USP4: variants seen among roughly 807,000 people sequenced by gnomAD.
USP4 encodes ubiquitin carboxyl-terminal hydrolase 4.
In USP4, 72 loss-of-function variants were observed where a neutral mutation model predicts 118.2. The ratio of observed to expected loss-of-function variants is 0.61; its 90% CI spans 0.50 to 0.74. USP4 has a LOEUF of 0.74. USP4 is among the 30% of genes least tolerant of loss of function. The probability of loss-of-function intolerance (pLI) is 0.00; values close to 1 mark genes in which losing one functional copy is unlikely to be tolerated. For synonymous variants in USP4, 415 were observed against 440.4 expected, an observed-to-expected ratio of 0.94 and a Z score of 0.72; for missense variants, 1,037 against 1,185.7, an observed-to-expected ratio of 0.87 and a Z score of 1.84.
chr3:49,309,038 A>AC (rs1559472764), intron 8 of USP4, among the ~76,000 whole-genome samples: 1 of 150,922 alleles, frequency 6.6e-6, no homozygotes, highest in Non-Finnish European at 1.5e-5. Context: ...TGTCTCAAAA[A>AC]AAAAAAAAAA....
intron 2 of USP4, among the ~76,000 whole-genome samples, chr3:49,331,280 A>ATT (rs1412253092): frequency 6.6e-6 from 1 of 151,646 alleles, no homozygotes; most frequent in Non-Finnish European, 1.5e-5. Flanking sequence ...AGATCGCACC[A>ATT]TTGCACTCCA....
At chr3:49,279,464 T>C (rs2046994757) in intron 20 of USP4, among the ~76,000 whole-genome samples, 1 of 152,182 alleles carries the variant, frequency 6.6e-6, no homozygotes, top group African/African-American at 2.4e-5. Flanking sequence ...AAAATTTATC[T>C]TTCTCTAAAA....
At chr3:49,289,286 C>T (rs1371257026) in intron 15 of USP4, among the ~76,000 whole-genome samples, 1 of 152,166 alleles carries the variant, frequency 6.6e-6, no homozygotes, top group Non-Finnish European at 1.5e-5. Flanking sequence ...TTTCATGTGC[C>T]CTGTCCTTTA....
intron 13 of USP4, among the ~76,000 whole-genome samples, chr3:49,295,254 A>T (rs1280247173): frequency 7.7e-6 from 1 of 130,590 alleles, no homozygotes; most frequent in East Asian, 2.7e-4. Context: ...TTGTCACTGC[A>T]CTCCAGACTG....
intron 20 of USP4, 79 bp downstream of exon 20, chr3:49,280,665 G>T: frequency 2.6e-6 from 3 of 1,168,958 alleles, no homozygotes; most frequent in Non-Finnish European, 3.8e-6. Flanking sequence ...AGCATTTAGG[G>T]CAATGCCTGG....
At chr3:49,329,928 T>C (rs1426482769) in intron 2 of USP4, among the ~76,000 whole-genome samples, 2 of 151,888 alleles carry the variant, frequency 1.3e-5, no homozygotes, top group Admixed American at 6.6e-5. Flanking sequence ...TCACTTGAGG[T>C]CAGAAGTTTG....
chr3:49,335,379 GA>G (rs1463795040), intron 2 of USP4, 89 bp downstream of exon 2: 14 of 1,564,746 alleles, frequency 8.9e-6, no homozygotes, highest in Non-Finnish European at 1.1e-5. Flanking sequence ...CTCACACTAG[GA>G]AAGTTCACAA....
At chr3:49,279,860 G>A (rs1470180171) in intron 20 of USP4, among the ~76,000 whole-genome samples, 1 of 152,216 alleles carries the variant, frequency 6.6e-6, no homozygotes, top group Non-Finnish European at 1.5e-5. Flanking sequence ...AGTTCCAACT[G>A]TAGGCCCAAT....
Position 49,315,432 on chromosome 3 carries a change from A to G in USP4, c.696-3778T>C, listed in dbSNP as rs139674457. Among the ~76,000 whole-genome samples, 18 of 152,312 alleles carry G rather than the reference A, an allele frequency of 1.2e-4. No homozygotes were observed. The East Asian group carries it at 2.5e-3, about 21-fold the overall frequency. On this transcript the variant is annotated intron_variant, in intron 6 of 21. Coordinates refer to ENST00000265560, the MANE Select transcript of USP4 (RefSeq NM_003363.4). ...TACTATAATCTGGGAAATGCTGAGCACTAGGGCAGGGACTTGTCTCCAGAC... is the reference window on the plus strand; with the variant it reads ...TACTATAATCTGGGAAATGCTGAGCGCTAGGGCAGGGACTTGTCTCCAGAC...
At chr3:49,311,711 T>G (rs1198709907) in intron 6 of USP4, 57 bp from the exon 7 acceptor site, 21 of 1,600,544 alleles carry the variant, frequency 1.3e-5, no homozygotes, top group Admixed American at 3.4e-5. Flanking sequence ...CAAGCCCTAT[T>G]TAATGCCTTA....
At chr3:49,290,010 T>C (rs2047136087) in intron 15 of USP4, among the ~76,000 whole-genome samples, 1 of 152,142 alleles carries the variant, frequency 6.6e-6, no homozygotes, top group Non-Finnish European at 1.5e-5. Flanking sequence ...TAGTCCTGGC[T>C]ACTCAGGTGG....
At chr3:49,290,002 G>C (rs1190497274) in intron 15 of USP4, among the ~76,000 whole-genome samples, 5 of 152,108 alleles carry the variant, frequency 3.3e-5, no homozygotes, top group African/African-American at 1.2e-4. Context: ...CATTCCTGTA[G>C]TCCTGGCTAC....
intron 6 of USP4, among the ~76,000 whole-genome samples, chr3:49,319,813 G>C (rs1259436884): frequency 6.6e-6 from 1 of 151,546 alleles, no homozygotes; most frequent in African/African-American, 2.4e-5. Flanking sequence ...GGGGGGTCTC[G>C]CTATGTTCAC....
chr3:49,335,740 GC>G, intron 1 of USP4, 144 bp from the exon 2 acceptor site: 1 of 869,608 alleles, frequency 1.1e-6, no homozygotes, highest in Non-Finnish European at 1.8e-6. Flanking sequence ...CAAGAGCAGG[GC>G]CCAGGCCCCA....
chr3:49,285,197 G>T (rs1161263959), intron 16 of USP4, among the ~76,000 whole-genome samples: 1 of 152,026 alleles, frequency 6.6e-6, no homozygotes, highest in Non-Finnish European at 1.5e-5. Context: ...GGGAGTAATA[G>T]GGACCAGATT....
intron 9 of USP4, among the ~76,000 whole-genome samples, chr3:49,303,994 C>T (rs2047287644): frequency 2.6e-5 from 4 of 152,062 alleles, no homozygotes; most frequent in Non-Finnish European, 5.9e-5. Context: ...CTCAAGTGAT[C>T]CACCCACCTT....
chr3:49,330,488 C>T (rs1194668092), intron 2 of USP4, among the ~76,000 whole-genome samples: 4 of 151,722 alleles, frequency 2.6e-5, no homozygotes, highest in Admixed American at 6.6e-5. Flanking sequence ...CCACCACACC[C>T]GGTTAATTTT....
chr3:49,284,956 C>T, intron 16 of USP4, 37 bp from the exon 17 acceptor site: 1 of 1,561,022 alleles, frequency 6.4e-7, no homozygotes, highest in Non-Finnish European at 8.8e-7. Context: ...TATGGAATGG[C>T]AAGCAACAGG....
chr3:49,283,908 G>C (rs1292912347), intron 19 of USP4, 79 bp downstream of exon 19: 1 of 1,566,842 alleles, frequency 6.4e-7, no homozygotes, highest in East Asian at 2.2e-5. Flanking sequence ...GTTTTTGGTG[G>C]CAAACCACTC....
Sources: allele counts gnomAD v4.1 joint callset (sites outside exome capture counted in the v4.1 genomes callset), GRCh38; gene constraint gnomAD v4.1.1; transcripts MANE v1.5; gene names NCBI Gene and HGNC (gene_info 2026-07-23, HGNC 2026-07-21).